Variants in HDAC9 observed in about 807,000 individuals in gnomAD.
The protein encoded by HDAC9 is histone deacetylase 9.
HDAC9 carries 41 observed loss-of-function variants against 139.4 expected under a neutral mutation model. That is an observed-to-expected ratio of 0.29 (90% CI 0.23 to 0.38). HDAC9 has a LOEUF of 0.38. HDAC9 is among the 10% of genes least tolerant of loss of function. The probability of loss-of-function intolerance (pLI) is 1.00; values close to 1 mark genes in which losing one functional copy is unlikely to be tolerated. For synonymous variants in HDAC9, 517 were observed against 476.2 expected (o/e 1.09, Z -1.12); for missense variants, 1,147 against 1,297.0 (o/e 0.88, Z 1.78).
At position 18,593,979 on chromosome 7, in the gene HDAC9, C is replaced by T. The variant is rs776148814; in HGVS notation, c.614C>T (p.Thr205Ile). 2 of 1,612,802 alleles carry T rather than the reference C, an allele frequency of 1.2e-6. No individual in the cohort carries two copies. Among genetic ancestry groups the T allele is most frequent in the South Asian group, 1.1e-5 (1 of 91,052 alleles). ...LSGTSPSYKY[T>I]LPGAQDAKDD... is the part of the protein sequence containing the mutation. ...GGAACATCTCCATCCTACAAGTACA[C>T]ATTACCAGGAGCACAAGATGCAAAG... The change falls in exon 6 of 26, where the codon ACA (threonine) becomes ATA (isoleucine). Residue 205 changes from threonine to isoleucine, a missense_variant. This residue lies in a region of HDAC9 where 79 missense variants were observed against 65.8 expected (regional missense o/e 1.20). Coordinates refer to ENST00000686413, the MANE Select transcript of HDAC9 (RefSeq NM_178425.4).
At chr7:18,884,463 A>C (rs1340402032) in intron 22 of HDAC9, among the ~76,000 whole-genome samples, 4 of 152,172 alleles carry the variant, frequency 2.6e-5, no homozygotes, top group Non-Finnish European at 5.9e-5. Flanking sequence ...AGTCTTTGAT[A>C]ATTGGTGCTG....
intron 2 of HDAC9, among the ~76,000 whole-genome samples, chr7:18,545,578 C>T (rs531583609): frequency 6.6e-6 from 1 of 152,276 alleles, no homozygotes; most frequent in South Asian, 2.1e-4. Flanking sequence ...AGGCTTGAAA[C>T]TGCTGGGCTT....
rs538729382 is a variant in HDAC9 at position 18,994,786 on chromosome 7, A to C, written c.3171-1237A>C. ...TATAAATCTGTAAAATAACATGGCC[A>C]AACATTTCATTTGTTTGCATAAACA... is the stretch of plus-strand genomic sequence containing the variant. On this transcript the variant is annotated intron_variant, in intron 25 of 25. Transcript: ENST00000686413. 3.3e-5 allele frequency among the ~76,000 whole-genome samples: 5 copies of C among 152,324 alleles called. No homozygotes were observed. The South Asian group carries it at 1.0e-3, about 32-fold the overall frequency.
chr7:18,215,675 C>T (rs1327020082), intron 2 of HDAC9, among the ~76,000 whole-genome samples: 1 of 152,126 alleles, frequency 6.6e-6, no homozygotes, highest in Non-Finnish European at 1.5e-5. Flanking sequence ...ATGTAGTCCC[C>T]GAATAGTGGG....
intron 1 of HDAC9, among the ~76,000 whole-genome samples, chr7:18,157,777 T>C (rs1003481026): frequency 7.0e-6 from 1 of 143,882 alleles, no homozygotes; most frequent in African/African-American, 2.6e-5. Context: ...AAGTTGAAAT[T>C]ACAGCAGAAT....
At chr7:18,855,446 C>T (rs978499283) in intron 21 of HDAC9, among the ~76,000 whole-genome samples, 2 of 151,880 alleles carry the variant, frequency 1.3e-5, no homozygotes, top group Non-Finnish European at 2.9e-5. Context: ...CTCTATCCAC[C>T]TCATTTCTAT....
intron 16 of HDAC9, among the ~76,000 whole-genome samples, chr7:18,779,569 G>A (rs1791068404): frequency 6.6e-6 from 1 of 152,030 alleles, no homozygotes; most frequent in Non-Finnish European, 1.5e-5. Context: ...TGCCCAGCCT[G>A]AGTCTGAGAA....
intron 2 of HDAC9, among the ~76,000 whole-genome samples, chr7:18,548,856 A>G (rs6954945): frequency 0.024 from 3,700 of 152,286 alleles, 72 homozygotes; most frequent in Middle Eastern, 0.034. Flanking sequence ...GCTAGTGAGG[A>G]TGTGGATAAA....
intron 17 of HDAC9, among the ~76,000 whole-genome samples, chr7:18,828,409 G>A (rs116963728): frequency 0.01 from 1,577 of 152,268 alleles, 13 homozygotes; most frequent in Non-Finnish European, 0.015. Context: ...CCTTCATGCC[G>A]GAGTTACTTC....
At chr7:18,114,979 G>A (rs375171692) in intron 1 of HDAC9, among the ~76,000 whole-genome samples, 3 of 152,194 alleles carry the variant, frequency 2.0e-5, no homozygotes, top group African/African-American at 7.2e-5. Flanking sequence ...TAGATTAGAA[G>A]TGTATAAGTA....
intron 23 of HDAC9, among the ~76,000 whole-genome samples, chr7:18,946,046 A>T (rs1205844827): frequency 2.4e-5 from 2 of 85,012 alleles, no homozygotes; most frequent in Non-Finnish European, 4.2e-5. Context: ...CAAAAAAAAA[A>T]AAAAAAAAAA....
chr7:18,718,801 G>T (rs910378927), intron 12 of HDAC9, among the ~76,000 whole-genome samples: 1 of 152,088 alleles, frequency 6.6e-6, no homozygotes, highest in African/African-American at 2.4e-5. Context: ...TATTGAAATT[G>T]CTGGGTCATA....
At chr7:18,769,052 A>T (rs1285644861) in intron 16 of HDAC9, among the ~76,000 whole-genome samples, 2 of 152,122 alleles carry the variant, frequency 1.3e-5, no homozygotes, top group African/African-American at 4.8e-5. Flanking sequence ...TTCTTTTTTG[A>T]CTAAGGACAT....
intron 21 of HDAC9, among the ~76,000 whole-genome samples, chr7:18,857,678 A>G (rs1163316664): frequency 2.0e-5 from 3 of 152,124 alleles, no homozygotes; most frequent in African/African-American, 7.2e-5. Context: ...AAGTATAGGA[A>G]TCATAGGAAT....
chr7:18,207,662 A>T (rs894914867), intron 2 of HDAC9, among the ~76,000 whole-genome samples: 2 of 151,074 alleles, frequency 1.3e-5, no homozygotes, highest in East Asian at 3.9e-4. Flanking sequence ...ATACACACAC[A>T]CACACTTACA....
intron 1 of HDAC9, among the ~76,000 whole-genome samples, chr7:18,093,458 A>G (rs1002363993): frequency 1.3e-5 from 2 of 152,172 alleles, no homozygotes; most frequent in African/African-American, 4.8e-5. Flanking sequence ...CTGCAAGATG[A>G]GGGTTAAAGA....
chr7:18,399,590 A>G (rs147707824), intron 1 of HDAC9, among the ~76,000 whole-genome samples: 14 of 152,302 alleles, frequency 9.2e-5, no homozygotes, highest in Non-Finnish European at 1.6e-4. Flanking sequence ...CAACCAGGAA[A>G]GTGATTGTCA....
chr7:18,322,754 CAA>C (rs964200620), intron 1 of HDAC9, among the ~76,000 whole-genome samples: 7 of 151,986 alleles, frequency 4.6e-5, no homozygotes, highest in African/African-American at 1.4e-4. Context: ...GGATTGAAGG[CAA>C]AGTGTGGGGT....
intron 22 of HDAC9, among the ~76,000 whole-genome samples, chr7:18,881,025 G>C (rs1799701143): frequency 6.6e-6 from 1 of 151,900 alleles, no homozygotes; most frequent in South Asian, 2.1e-4. Context: ...ACTTAACAGT[G>C]AGTTATTCTT....
Sources: gnomAD v4.1 joint callset for allele counts (sites outside exome capture counted in the v4.1 genomes callset) on GRCh38, gnomAD v4.1.1 for gene constraint, gnomAD v4.1.1 regional missense constraint, MANE v1.5 for transcripts, NCBI Gene and HGNC (gene_info 2026-07-23, HGNC 2026-07-21) for gene names.